The following OTUD7B variants were observed in gnomAD, a reference collection of about 807,000 sequenced individuals.
OTUD7B encodes OTU domain-containing protein 7B.
A neutral mutation model predicts 82.2 loss-of-function variants in OTUD7B; 34 were observed. The observed-to-expected ratio is 0.41, with a 90% confidence interval of 0.31 to 0.55. The LOEUF is 0.55. Among genes scored for constraint, OTUD7B ranks in the 20% least tolerant of loss-of-function variants. OTUD7B has a pLI of 0.20. For missense variants in OTUD7B, 944 were observed against 1,062.1 expected (o/e 0.89, Z 1.55); for synonymous variants, 398 against 402.7 (o/e 0.99, Z 0.14).
intron 7 of OTUD7B, among the ~76,000 whole-genome samples, chr1:149,951,768 G>T (rs1648271276): frequency 6.6e-6 from 1 of 151,878 alleles, no homozygotes; most frequent in South Asian, 2.1e-4. Flanking sequence ...ATCTGCATAG[G>T]TTATAATTTT....
At chr1:149,982,148 C>CTAAATAAA (rs587666436) in intron 1 of OTUD7B, among the ~76,000 whole-genome samples, 1,886 of 150,848 alleles carry the variant, frequency 0.013, 47 homozygotes, top group African/African-American at 0.043. Flanking sequence ...GACTCCATCT[C>CTAAATAAA]TAAATAAATA....
At chr1:149,958,684 A>G (rs1648903699) in intron 7 of OTUD7B, among the ~76,000 whole-genome samples, 1 of 152,080 alleles carries the variant, frequency 6.6e-6, no homozygotes, top group Non-Finnish European at 1.5e-5. Flanking sequence ...AATCAAACAC[A>G]GAGACATTGT....
the OTUD7B span, among the ~76,000 whole-genome samples, chr1:150,044,905 G>GAA: frequency 6.6e-6 from 1 of 151,198 alleles, no homozygotes; most frequent in Non-Finnish European, 1.5e-5. Flanking sequence ...ATTGGCAGGG[G>GAA]AAAAAAAGAA....
At chr1:150,045,026 C>T in the OTUD7B span, among the ~76,000 whole-genome samples, 2 of 151,352 alleles carry the variant, frequency 1.3e-5, no homozygotes, top group African/African-American at 4.9e-5. Context: ...GTAATAATAC[C>T]AATAATTATT....
At chr1:149,956,751 C>G (rs1648706650) in intron 7 of OTUD7B, among the ~76,000 whole-genome samples, 1 of 152,158 alleles carries the variant, frequency 6.6e-6, no homozygotes, top group African/African-American at 2.4e-5. Flanking sequence ...TCTTTTTTCT[C>G]TGAACTTCTC....
chr1:149,973,965 C>A (rs1553778104), intron 2 of OTUD7B, among the ~76,000 whole-genome samples: 1 of 149,284 alleles, frequency 6.7e-6, no homozygotes, highest in Non-Finnish European at 1.5e-5. Flanking sequence ...TCAAGCAATT[C>A]TCTGCCTCAG....
the OTUD7B span, among the ~76,000 whole-genome samples, chr1:150,034,680 T>A: frequency 6.6e-6 from 1 of 152,206 alleles, no homozygotes; most frequent in Admixed American, 6.5e-5. Context: ...TAGAAATCTG[T>A]TTTCTGATGC....
At chr1:149,988,782 A>C (rs1337510604) in intron 1 of OTUD7B, among the ~76,000 whole-genome samples, 14 of 152,350 alleles carry the variant, frequency 9.2e-5, no homozygotes, top group Admixed American at 8.5e-4. Context: ...GGATAGTCCA[A>C]GGTTTGGGCT....
chr1:149,974,874 T>TC (rs1440859332), intron 2 of OTUD7B, among the ~76,000 whole-genome samples: 41 of 150,840 alleles, frequency 2.7e-4, no homozygotes, highest in African/African-American at 9.5e-4. Flanking sequence ...TCTTTTTTTT[T>TC]TAAGAGATGA....
intron 2 of OTUD7B, among the ~76,000 whole-genome samples, chr1:149,976,023 A>G (rs1390534942): frequency 6.8e-3 from 1 of 146 alleles, no homozygotes; most frequent in African/African-American, 0.036. Flanking sequence ...TCTGTCTCAA[A>G]AAGAAAAAAA....
rs1351556847 is a variant in OTUD7B at position 149,947,394 on chromosome 1, T to G, written c.1239-59A>C. The G allele has an allele frequency of 2.9e-6, 3 of 1,051,010 alleles. No homozygotes were observed. In the East Asian group the frequency reaches 7.4e-5, roughly 26 times the overall value. 65.1% of individuals were successfully genotyped at this position (1,051,010 alleles called of 1,614,324 possible). On this transcript the variant is annotated intron_variant, in intron 10 of 11. Transcript: ENST00000581312. ...CTTTTAAAAGCAAAGCAATTTGATA[T>G]AGTTGGGAGAAAGGGTGGGAGAGGG... is the stretch of plus-strand genomic sequence containing the variant.
rs1442322854 is a variant in OTUD7B, at chr1:149,940,962, C to T, written c.*2895G>A. On this transcript the variant is annotated 3_prime_UTR_variant, in exon 12 of 12. Transcript: ENST00000581312. ...ATCCATTGTCTCAGGGTCTCTCATCCTTAGAATGGAGAGGTTTTTCAATGC... is the reference window on the plus strand; with the variant it reads ...ATCCATTGTCTCAGGGTCTCTCATCTTTAGAATGGAGAGGTTTTTCAATGC... 1 of 151,896 alleles carries T rather than the reference C, an allele frequency of 6.6e-6. No homozygotes were observed. The highest frequency in any genetic ancestry group is 1.9e-4 in the East Asian group (1 of 5,182). 9.4% of individuals were successfully genotyped at this position (151,896 alleles called of 1,614,324 possible).
At chr1:150,011,286 A>G (rs1447425470), upstream of OTUD7B, among the ~76,000 whole-genome samples, 1 of 152,208 alleles carries the variant, frequency 6.6e-6, no homozygotes, top group South Asian at 2.1e-4. Flanking sequence ...GACTGCTAAC[A>G]GTAAAAAAAA....
At chr1:149,985,735 A>G (rs1302336741) in intron 1 of OTUD7B, among the ~76,000 whole-genome samples, 31 of 99,788 alleles carry the variant, frequency 3.1e-4, no homozygotes, top group African/African-American at 1.2e-3. Flanking sequence ...GGACACAGTG[A>G]GACCCTGTAT....
chr1:149,942,043 C>T lies in OTUD7B; in HGVS notation c.*1814G>A, dbSNP rs978909930. 2 of 152,372 alleles carry T rather than the reference C, an allele frequency of 1.3e-5. No homozygotes were observed. Among genetic ancestry groups the T allele is most frequent in the African/African-American group, 2.4e-5 (1 of 41,424 alleles). The allele number at this position is 152,372 out of a possible 1,614,324, so 9.4% of individuals were successfully genotyped here. A position where few individuals can be genotyped will look rare whatever the true frequency, so the allele number is the denominator to read the frequency against. On this transcript the variant is annotated 3_prime_UTR_variant, in exon 12 of 12. Transcript: ENST00000581312. ...TGAGGAGAAAATAACCTTTATAAAC[C>T]GTGAGCATTTCCAACAAGGACAATC...
At chr1:149,974,480 C>T (rs1461704237) in intron 2 of OTUD7B, among the ~76,000 whole-genome samples, 1 of 151,554 alleles carries the variant, frequency 6.6e-6, no homozygotes, top group African/African-American at 2.4e-5. Flanking sequence ...AATTTAAACT[C>T]CTCGTCATGG....
intron 1 of OTUD7B, among the ~76,000 whole-genome samples, chr1:150,006,895 G>A: frequency 6.6e-6 from 1 of 152,186 alleles, no homozygotes; most frequent in South Asian, 2.1e-4. Context: ...ACAATGTACG[G>A]ATGCCTGCCT....
At chr1:150,063,134 T>C in the OTUD7B span, among the ~76,000 whole-genome samples, 1 of 152,160 alleles carries the variant, frequency 6.6e-6, no homozygotes, top group Non-Finnish European at 1.5e-5. Context: ...TCTCTGAGTA[T>C]ATTACCTGTA....
chr1:150,009,062 A>G (rs1553786742), intron 1 of OTUD7B, among the ~76,000 whole-genome samples: 1 of 152,208 alleles, frequency 6.6e-6, no homozygotes, highest in African/African-American at 2.4e-5. Flanking sequence ...ACTGAACGTT[A>G]AAAGAACTAC....
Sources: gnomAD v4.1 joint callset for allele counts (sites outside exome capture counted in the v4.1 genomes callset) on GRCh38, gnomAD v4.1.1 for gene constraint, MANE v1.5 for transcripts, NCBI Gene and HGNC (gene_info 2026-07-23, HGNC 2026-07-21) for gene names.